The following GBP4 variants were observed in gnomAD, a reference collection of about 807,000 sequenced individuals.
The protein encoded by GBP4 is guanylate-binding protein 4.
GBP4 carries 69 observed loss-of-function variants against 62.2 expected under a neutral mutation model. That is an observed-to-expected ratio of 1.11 (90% CI 0.91 to 1.36). The LOEUF is 1.36. Among genes scored for constraint, GBP4 ranks in the 40% most tolerant of loss-of-function variants. The pLI is 0.00. For synonymous variants in GBP4, 278 were observed against 274.6 expected, an observed-to-expected ratio of 1.01 and a Z score of -0.12; for missense variants, 697 against 759.3, an observed-to-expected ratio of 0.92 and a Z score of 0.96.
rs1648143653 is a variant in GBP4 at position 89,190,206 on chromosome 1, C to T, written c.1029G>A (p.Gln343=). ...GCTGGCTATAGTGGTCGGCTGCCCT[C>T]TGCACAGCCGCTGGGTTCTCAAGCT... ...LAQLENPAAV[Q]RAADHYSQQM... is the part of the protein sequence containing the mutation. The change falls in exon 7 of 11, where the codon CAG becomes CAA. Residue 343 remains glutamine (Q), a synonymous_variant. Transcript: ENST00000355754. 6.2e-7 allele frequency: 1 copy of T among 1,614,176 alleles called. No homozygotes were observed. Among genetic ancestry groups the T allele is most frequent in the Non-Finnish European group, 8.5e-7 (1 of 1,180,016 alleles).
chr1:89,181,996 TAA>T lies in GBP4; in HGVS notation c.*3256_*3257del, dbSNP rs758632229. 3.6e-4 allele frequency: 55 copies of T among 151,908 alleles called. 6 individuals carry two copies. Among genetic ancestry groups the T allele is most frequent in the Admixed American group, 9.2e-4 (14 of 15,282 alleles). 9.4% of individuals were successfully genotyped at this position (151,908 alleles called of 1,614,324 possible). A position where few individuals can be genotyped will look rare whatever the true frequency, so the allele number is the denominator to read the frequency against. On this transcript the variant is annotated 3_prime_UTR_variant, in exon 11 of 11. Coordinates refer to ENST00000355754, the MANE Select transcript of GBP4 (RefSeq NM_052941.5). ...AATTACAAGATACCCCTGAAAGAAA[TAA>T]GAGATGTCACAAACAAATGGAAAAA...
In GBP4 at chr1:89,185,319, C is replaced by T. The variant is rs755955621; in HGVS notation, c.1858G>A (p.Val620Ile). 9 of 1,613,690 alleles carry T rather than the reference C, an allele frequency of 5.6e-6. No homozygotes were observed. Among genetic ancestry groups the T allele is most frequent in the Non-Finnish European group, 6.8e-6 (8 of 1,179,674 alleles). ...ILDMASNIMI[V>I]TLPGASKLLG... is the part of the protein sequence containing the mutation. ...AGCTTGGAAGCCCCAGGTAGAGTGA[C>T]AATCATTATGTTGCTAGCCATGTCA... Residue 620 changes from valine (V) to isoleucine (I), a missense_variant, in exon 11 of 11, where the codon GTC (valine) becomes ATC (isoleucine). By Grantham distance (29) the Val-to-Ile change is conservative. This residue lies in a region of GBP4 where 141 missense variants were observed against 196.6 expected (regional missense o/e 0.72). Transcript: ENST00000355754.
In GBP4 at chr1:89,190,053, G is replaced by C; in HGVS notation, c.1182C>G (p.Phe394Leu). Residue 394 changes from phenylalanine (F) to leucine (L), a missense_variant, in exon 7 of 11, where the codon TTC (phenylalanine) becomes TTG (leucine). Phe to Leu is a conservative substitution (Grantham distance 22, BLOSUM62 0). Around this residue, in one of 2 missense-constraint regions of GBP4, gnomAD observed 556 missense variants for 562.7 expected, o/e 0.99. Coordinates refer to ENST00000355754, the MANE Select transcript of GBP4 (RefSeq NM_052941.5). Reference protein sequence around the residue: ...EHSFKDENHEFQKKLVDTIEK... With the variant: ...EHSFKDENHELQKKLVDTIEK... ...CTAAAAGTACCACAAGCTTCTTCTG[G>C]AATTCATGGTTTTCATCCTTGAAGG... is the stretch of plus-strand genomic sequence containing the variant. 6.2e-7 allele frequency: 1 copy of C among 1,607,638 alleles called. No individual in the cohort carries two copies. Among genetic ancestry groups the C allele is most frequent in the South Asian group, 1.1e-5 (1 of 90,826 alleles).
chr1:89,198,481 A>G (rs927111737), intron 1 of GBP4, among the ~76,000 whole-genome samples: 1 of 152,088 alleles, frequency 6.6e-6, no homozygotes, highest in Non-Finnish European at 1.5e-5. Flanking sequence ...GTATATGTAT[A>G]CTAGATGATG....
chr1:89,194,722 T>A (rs7537509), intron 3 of GBP4, among the ~76,000 whole-genome samples: 10,687 of 152,228 alleles, frequency 0.07, 1,248 homozygotes, highest in African/African-American at 0.24. Context: ...GGAGAATTAA[T>A]CTCCAAAGCT....
chr1:89,195,371 AC>A lies in GBP4; in HGVS notation c.288del (p.Trp96CysfsTer24). ...VQSETKGIWM[W>X]CVPHLSKPNH... ...TTTGGCTTAGAGAGGTGGGGCACAC[AC>A]CACATCCAGATGCCCTTAGTTTCAG... On this transcript the variant is annotated frameshift_variant, in exon 3 of 11. Transcript: ENST00000355754. LOFTEE classifies it high-confidence loss of function. 6.2e-7 allele frequency: 1 copy of A among 1,614,032 alleles called. No homozygotes were observed. Among genetic ancestry groups the A allele is most frequent in the Non-Finnish European group, 8.5e-7 (1 of 1,179,936 alleles).
intron 8 of GBP4, among the ~76,000 whole-genome samples, chr1:89,188,068 T>C (rs930214338): frequency 2.0e-5 from 3 of 152,194 alleles, no homozygotes; most frequent in African/African-American, 7.2e-5. Context: ...CAACTGCCTA[T>C]GTGGACGATA....
At chr1:89,195,528 G>A in intron 2 of GBP4, 104 bp from the exon 3 acceptor site, 1 of 1,372,098 alleles carries the variant, frequency 7.3e-7, no homozygotes, top group Non-Finnish European at 1.0e-6. Context: ...GCTGACAGGG[G>A]AAAAGGGTTG....
Position 89,191,595 on chromosome 1 carries a change from C to T in GBP4, c.671-89G>A, listed in dbSNP as rs1648190985. ...TTTTCCAGGGATCTTTGCATCCCTGCAGCTCCCCTGCCTTGTAAATCTTGT... is the reference window on the plus strand; with the variant it reads ...TTTTCCAGGGATCTTTGCATCCCTGTAGCTCCCCTGCCTTGTAAATCTTGT... On this transcript the variant is annotated intron_variant, in intron 5 of 10. Coordinates refer to ENST00000355754, the MANE Select transcript of GBP4 (RefSeq NM_052941.5). 2.4e-6 allele frequency: 3 copies of T among 1,264,336 alleles called. No homozygotes were observed. In the African/African-American group the frequency reaches 4.5e-5, roughly 19 times the overall value. The allele number at this position is 1,264,336 out of a possible 1,614,324, so 78.3% of individuals were successfully genotyped here.
At chr1:89,198,569 C>A in intron 1 of GBP4, 2 of 558,206 alleles carry the variant, frequency 3.6e-6, no homozygotes, top group Admixed American at 3.0e-5. Flanking sequence ...CACCGGTGCG[C>A]CTCTGGTCGC....
At chr1:89,191,538 AGAGAC>A in intron 5 of GBP4, 32 bp from the exon 6 acceptor site, 1 of 1,600,268 alleles carries the variant, frequency 6.2e-7, no homozygotes, top group Non-Finnish European at 8.5e-7. Flanking sequence ...GGCTCATTGA[AGAGAC>A]AGCCTGCAGG....
In GBP4 at chr1:89,190,169, G is replaced by T. The variant is rs758549125; in HGVS notation, c.1066C>A (p.Gln356Lys). The T allele has an allele frequency of 1.9e-6, 3 of 1,614,184 alleles. No individual in the cohort carries two copies. The highest frequency in any genetic ancestry group is 1.7e-5 in the Admixed American group (1 of 60,018). Residue 356 changes from glutamine (Q) to lysine (K), a missense_variant, in exon 7 of 11, where the codon CAA becomes AAA. Physicochemically the swap from Gln to Lys is moderately conservative, Grantham distance 53. Transcript: ENST00000355754. The part of the protein sequence containing the change: ...ADHYSQQMAQ[Q>K]LRLPTDTLQE... The stretch of plus-strand genomic sequence containing the variant: ...AGCGTGTCTGTGGGGAGCCTCAGTT[G>T]CTGGGCCATCTGCTGGCTATAGTGG...
chr1:89,188,946 A>G lies in GBP4; in HGVS notation c.1198-152T>C, dbSNP rs576535563. The G allele has an allele frequency of 5.1e-4, 425 of 838,094 alleles. 1 individual carries two copies. The highest frequency in any genetic ancestry group is 7.0e-4 in the Non-Finnish European group (376 of 536,996). The allele number at this position is 838,094 out of a possible 1,614,324, so 51.9% of individuals were successfully genotyped here. A position where few individuals can be genotyped will look rare whatever the true frequency, so the allele number is the denominator to read the frequency against. On this transcript the variant is annotated intron_variant, in intron 7 of 10. Coordinates refer to ENST00000355754, the MANE Select transcript of GBP4 (RefSeq NM_052941.5). ...CACAAGAATGATTTTGTTCCCAACT[A>G]TGTGATCTGTGTGACCTGTGGAAAG...
Position 89,184,787 on chromosome 1 carries a change from C to CA in GBP4, c.*466dup, listed in dbSNP as rs1647984366. On this transcript the variant is annotated 3_prime_UTR_variant, in exon 11 of 11. Coordinates refer to ENST00000355754, the MANE Select transcript of GBP4 (RefSeq NM_052941.5). ...TTGTGTGATAAAATTATCTGCACAC[C>CA]AAACCCCCATGACATGCAGTTTACC... is the stretch of plus-strand genomic sequence containing the variant. 6.5e-6 allele frequency: 1 copy of CA among 152,688 alleles called. No homozygotes were observed. The highest frequency in any genetic ancestry group is 1.5e-5 in the Non-Finnish European group (1 of 68,518). The allele number at this position is 152,688 out of a possible 1,614,324, so 9.5% of individuals were successfully genotyped here.
At chr1:89,188,923 C>T in intron 7 of GBP4, 129 bp from the exon 8 acceptor site, 1 of 946,134 alleles carries the variant, frequency 1.1e-6, no homozygotes, top group African/African-American at 1.6e-5. Flanking sequence ...CCAAGAGTCA[C>T]AAGAATGATT....
intron 7 of GBP4, among the ~76,000 whole-genome samples, chr1:89,189,701 T>C (rs1039522745): frequency 6.6e-6 from 1 of 152,256 alleles, no homozygotes; most frequent in Non-Finnish European, 1.5e-5. Flanking sequence ...AGCCTCTATA[T>C]GAAATCTAAG....
At chr1:89,189,690 G>C (rs943490880) in intron 7 of GBP4, among the ~76,000 whole-genome samples, 1 of 152,230 alleles carries the variant, frequency 6.6e-6, no homozygotes, top group African/African-American at 2.4e-5. Flanking sequence ...GGTTTACCCA[G>C]AGCCTCTATA....
chr1:89,185,338 C>T lies in GBP4; in HGVS notation c.1839G>A (p.Met613Ile), dbSNP rs1170295555. 1 of 1,613,232 alleles carries T rather than the reference C, an allele frequency of 6.2e-7. No individual in the cohort carries two copies. Among genetic ancestry groups the T allele is most frequent in the East Asian group, 2.2e-5 (1 of 44,842 alleles). ...GAGTGACAATCATTATGTTGCTAGC[C>T]ATGTCAAGGATCTTTAAGAGCCTTA... ...EQLRLLKILD[M>I]ASNIMIVTLP... Residue 613 changes from methionine (M) to isoleucine (I), a missense_variant, in exon 11 of 11, where the codon ATG becomes ATA. By Grantham distance (10) the Met-to-Ile change is conservative. Coordinates refer to ENST00000355754, the MANE Select transcript of GBP4 (RefSeq NM_052941.5).
At chr1:89,187,192 T>A in intron 8 of GBP4, 90 bp from the exon 9 acceptor site, 1 of 1,020,062 alleles carries the variant, frequency 9.8e-7, no homozygotes, top group Non-Finnish European at 1.5e-6. Context: ...GTCACAAATC[T>A]AACCCTGTAA....
Sources: gnomAD v4.1 joint callset for allele counts (sites outside exome capture counted in the v4.1 genomes callset) on GRCh38, gnomAD v4.1.1 for gene constraint, gnomAD v4.1.1 regional missense constraint, MANE v1.5 for transcripts, NCBI Gene and HGNC (gene_info 2026-07-23, HGNC 2026-07-21) for gene names.